The following ACOXL variants were observed in gnomAD, a reference collection of about 807,000 sequenced individuals.
The protein encoded by ACOXL is acyl-CoA oxidase like.
Under a neutral mutation model 71.9 loss-of-function variants are expected in ACOXL, and 70 were observed. That is an observed-to-expected ratio of 0.97 (90% CI 0.80 to 1.19). The LOEUF (loss-of-function observed/expected upper bound fraction) is 1.19, where lower values mean the gene tolerates loss of function less well. Ranked by LOEUF, ACOXL falls within the 50% of genes most tolerant of loss-of-function variation. The pLI is 0.00. For synonymous variants in ACOXL, 253 were observed against 281.6 expected (o/e 0.90, Z 1.02); for missense variants, 703 against 736.3 (o/e 0.95, Z 0.52).
At position 111,005,027 on chromosome 2, in the gene ACOXL, T is replaced by C. The variant is rs75177410; in HGVS notation, c.1281+9023T>C. ...TCAGTAATCAATCTGTTTAACAGAT[T>C]TCTGTTTATTTTCAAATGTACCTAA... On this transcript the variant is annotated intron_variant, in intron 14 of 17. Coordinates refer to ENST00000439055, the MANE Select transcript of ACOXL (RefSeq NM_001142807.4). 1.1e-3 allele frequency among the ~76,000 whole-genome samples: 160 copies of C among 152,338 alleles called. 1 individual carries two copies. Among genetic ancestry groups the C allele is most frequent in the Non-Finnish European group, 1.9e-3 (126 of 68,032 alleles).
chr2:110,758,379 C>CT (rs1559224658), intron 1 of ACOXL, among the ~76,000 whole-genome samples: 1 of 151,988 alleles, frequency 6.6e-6, no homozygotes, highest in African/African-American at 2.4e-5. Flanking sequence ...ATCTGGGCTC[C>CT]TTTTTGGTTC....
At chr2:110,938,703 G>GAATA (rs1210730362) in intron 12 of ACOXL, among the ~76,000 whole-genome samples, 6 of 148,688 alleles carry the variant, frequency 4.0e-5, no homozygotes, top group Non-Finnish European at 7.4e-5. Flanking sequence ...ATGAATGAAC[G>GAATA]AATAAATGAA....
intron 10 of ACOXL, among the ~76,000 whole-genome samples, chr2:110,883,299 G>A (rs1444870071): frequency 3.9e-5 from 6 of 151,908 alleles, no homozygotes; most frequent in South Asian, 2.1e-4. Context: ...TAGTGGAGAC[G>A]GGGTTTCATC....
chr2:110,953,429 G>C (rs1203455168), intron 12 of ACOXL, among the ~76,000 whole-genome samples: 1 of 152,046 alleles, frequency 6.6e-6, no homozygotes, highest in Non-Finnish European at 1.5e-5. Context: ...CTGTGGTCTA[G>C]AGGCTGGTCA....
intron 12 of ACOXL, among the ~76,000 whole-genome samples, chr2:110,947,850 T>C (rs1398948): frequency 0.58 from 88,399 of 152,128 alleles, 26,989 homozygotes; most frequent in Middle Eastern, 0.69. Context: ...CCACATTCTT[T>C]ACAAGGACCT....
chr2:110,776,047 C>T (rs748671032), intron 2 of ACOXL, among the ~76,000 whole-genome samples: 2 of 152,082 alleles, frequency 1.3e-5, no homozygotes, highest in Non-Finnish European at 2.9e-5. Context: ...ACAAAACATA[C>T]AAAACATGTT....
At chr2:110,972,169 AG>A (rs1338881729) in intron 12 of ACOXL, among the ~76,000 whole-genome samples, 1 of 152,192 alleles carries the variant, frequency 6.6e-6, no homozygotes, top group Non-Finnish European at 1.5e-5. Flanking sequence ...AGGAACGTGC[AG>A]GGATGCTGGG....
intron 7 of ACOXL, among the ~76,000 whole-genome samples, chr2:110,799,509 G>A (rs576148881): frequency 2.6e-5 from 4 of 152,246 alleles, no homozygotes; most frequent in South Asian, 4.1e-4. Flanking sequence ...CAGTGCCCTA[G>A]TTTGCTAGGG....
chr2:111,057,176 T>G (rs2066581626), intron 16 of ACOXL, among the ~76,000 whole-genome samples: 1 of 152,218 alleles, frequency 6.6e-6, no homozygotes, highest in Admixed American at 6.5e-5. Flanking sequence ...AATTTAAATT[T>G]AACCAACTGT....
intron 9 of ACOXL, among the ~76,000 whole-genome samples, chr2:110,833,015 T>G (rs1690031986): frequency 6.6e-6 from 1 of 152,236 alleles, no homozygotes; most frequent in African/African-American, 2.4e-5. Flanking sequence ...TAGCAGTTTC[T>G]TATAAAACTA....
At chr2:111,034,179 G>C (rs1056626861) in intron 15 of ACOXL, among the ~76,000 whole-genome samples, 1 of 152,208 alleles carries the variant, frequency 6.6e-6, no homozygotes, top group African/African-American at 2.4e-5. Context: ...AAAATGTAGA[G>C]AGCATGATAT....
intron 16 of ACOXL, among the ~76,000 whole-genome samples, chr2:111,084,208 C>A (rs562305629): frequency 6.8e-6 from 1 of 147,858 alleles, no homozygotes; most frequent in African/African-American, 2.5e-5. Context: ...CTTATAGAAA[C>A]CAGGGTAGGA....
chr2:110,839,515 A>G (rs556745704), intron 9 of ACOXL, among the ~76,000 whole-genome samples: 142 of 152,358 alleles, frequency 9.3e-4, no homozygotes, highest in African/African-American at 3.4e-3. Context: ...TGAAAAATTC[A>G]GGTGATTGTG....
Position 110,912,709 on chromosome 2 carries a change from A to T in ACOXL, c.905+3804A>T, listed in dbSNP as rs543473312. Among the ~76,000 whole-genome samples the T allele has an allele frequency of 6.6e-4, 100 of 152,266 alleles. 2 individuals are homozygous for T. The highest frequency in any genetic ancestry group is 2.4e-3 in the African/African-American group (98 of 41,570). The stretch of plus-strand genomic sequence containing the variant: ...TAGGTTAGGCAGTGGTTTCTTAGAT[A>T]GAATACCAAAAGCACAATTACAAAA... On this transcript the variant is annotated intron_variant, in intron 11 of 17. Coordinates refer to ENST00000439055, the MANE Select transcript of ACOXL (RefSeq NM_001142807.4).
At chr2:111,088,077 A>G (rs2068310743) in intron 16 of ACOXL, among the ~76,000 whole-genome samples, 1 of 152,202 alleles carries the variant, frequency 6.6e-6, no homozygotes, top group Admixed American at 6.5e-5. Context: ...AAATGCAAAT[A>G]AAAACCACAA....
chr2:110,980,149 G>A (rs1390831902), intron 12 of ACOXL, among the ~76,000 whole-genome samples: 1 of 152,222 alleles, frequency 6.6e-6, no homozygotes, highest in Non-Finnish European at 1.5e-5. Context: ...CCCTCTGAGA[G>A]TTACAGCCCT....
chr2:110,974,263 C>G (rs1052729264), intron 12 of ACOXL, among the ~76,000 whole-genome samples: 1 of 152,236 alleles, frequency 6.6e-6, no homozygotes, highest in Non-Finnish European at 1.5e-5. Flanking sequence ...ATATTACCTA[C>G]AGTGCTTTCA....
At chr2:110,793,233 C>T (rs910638333) in intron 3 of ACOXL, among the ~76,000 whole-genome samples, 5 of 152,204 alleles carry the variant, frequency 3.3e-5, no homozygotes, top group Non-Finnish European at 7.3e-5. Context: ...CATCCACCTT[C>T]CTGTAAGGAA....
At chr2:110,963,566 TGTGTG>T in intron 12 of ACOXL, 3 of 57,676 alleles carry the variant, frequency 5.2e-5, no homozygotes, top group South Asian at 3.2e-4. Flanking sequence ...AAATTTGAAA[TGTGTG>T]TGTGTGTGTG....
Sources: gnomAD v4.1 joint callset for allele counts (sites outside exome capture counted in the v4.1 genomes callset) on GRCh38, gnomAD v4.1.1 for gene constraint, MANE v1.5 for transcripts, NCBI Gene and HGNC (gene_info 2026-07-23, HGNC 2026-07-21) for gene names.